MBNL2: variants seen among roughly 807,000 people sequenced by gnomAD.
The protein encoded by MBNL2 is muscleblind-like protein 2.
In MBNL2, 17 loss-of-function variants were observed where a neutral mutation model predicts 41.9. That is an observed-to-expected ratio of 0.41 (90% CI 0.28 to 0.61). MBNL2 has a LOEUF of 0.61. Among genes scored for constraint, MBNL2 ranks in the 20% least tolerant of loss-of-function variants. MBNL2 has a pLI of 0.35. For synonymous variants in MBNL2, 195 were observed against 182.9 expected, an observed-to-expected ratio of 1.07 and a Z score of -0.53; for missense variants, 336 against 505.6, an observed-to-expected ratio of 0.66 and a Z score of 3.22.
intron 1 of MBNL2, among the ~76,000 whole-genome samples, chr13:97,251,898 C>T (rs1462330570): frequency 7.9e-4 from 101 of 127,736 alleles, no homozygotes; most frequent in Non-Finnish European, 1.4e-3. Context: ...GGCCGGACTG[C>T]GGACTGCAGT....
intron 7 of MBNL2, among the ~76,000 whole-genome samples, chr13:97,364,312 T>A (rs1330642717): frequency 1.3e-5 from 2 of 152,210 alleles, no homozygotes; most frequent in Non-Finnish European, 2.9e-5. Context: ...CACTTTGTAG[T>A]AGTCATGACC....
At chr13:97,300,076 C>T (rs998672380) in intron 2 of MBNL2, among the ~76,000 whole-genome samples, 2 of 152,122 alleles carry the variant, frequency 1.3e-5, no homozygotes, top group Non-Finnish European at 2.9e-5. Context: ...ACTGATACAG[C>T]CAGGTCCCAA....
chr13:97,323,773 C>G (rs1187140888), intron 2 of MBNL2, among the ~76,000 whole-genome samples: 1 of 151,482 alleles, frequency 6.6e-6, no homozygotes, highest in Non-Finnish European at 1.5e-5. Context: ...ATGGCTAGCT[C>G]TAATTAAAAA....
rs1386396755 is a variant in MBNL2 at position 97,268,010 on chromosome 13, G to A, written c.-604-7622G>A. 7.9e-5 allele frequency among the ~76,000 whole-genome samples: 12 copies of A among 152,322 alleles called. No individual in the cohort carries two copies. The East Asian group carries it at 1.5e-3, about 20-fold the overall frequency. On this transcript the variant is annotated intron_variant, in intron 1 of 8. Transcript: ENST00000679496. This position sits in a 1 kb window ranked among gnomAD's most constrained non-coding sequence, Gnocchi z 4.6. ...GTTAAAACACAGATTGCTCGTCCTCGTTGTCAGGGTATCTGATCCAGGACC... is the reference window on the plus strand; with the variant it reads ...GTTAAAACACAGATTGCTCGTCCTCATTGTCAGGGTATCTGATCCAGGACC...
intron 2 of MBNL2, among the ~76,000 whole-genome samples, chr13:97,282,697 T>C (rs569840100): frequency 6.6e-6 from 1 of 152,288 alleles, no homozygotes; most frequent in South Asian, 2.1e-4. Context: ...AGCAAGCCCA[T>C]CTCTCTTTCA....
At chr13:97,298,672 T>C (rs1391122696) in intron 2 of MBNL2, among the ~76,000 whole-genome samples, 1 of 152,230 alleles carries the variant, frequency 6.6e-6, no homozygotes, top group Non-Finnish European at 1.5e-5. Flanking sequence ...CAGATATTCT[T>C]TTCTGTCAAT....
chr13:97,186,833 C>T, the MBNL2 span, among the ~76,000 whole-genome samples: 22 of 152,208 alleles, frequency 1.4e-4, no homozygotes, highest in East Asian at 4.1e-3. Context: ...ATATTTTGAT[C>T]ATACACCAAA....
the MBNL2 span, among the ~76,000 whole-genome samples, chr13:97,179,842 G>A: frequency 6.6e-6 from 1 of 152,206 alleles, no homozygotes; most frequent in South Asian, 2.1e-4. Flanking sequence ...ACAGTAGAGA[G>A]AGTTAGGGGG....
rs1006768399 is a variant in MBNL2, at chr13:97,291,669, C to T, written c.174+15260C>T. Among the ~76,000 whole-genome samples, 5 of 151,562 alleles carry T rather than the reference C, an allele frequency of 3.3e-5. No individual in the cohort carries two copies. In the South Asian group the frequency reaches 6.3e-4, roughly 19 times the overall value. On this transcript the variant is annotated intron_variant, in intron 2 of 8. Transcript: ENST00000679496. ...CAGCAATTTGGGAAGCCGAGGTGGG[C>T]GGATCACTTGAGGTCAGGAGTTCGA... is the stretch of plus-strand genomic sequence containing the variant.
chr13:97,318,880 G>T (rs771853895), intron 2 of MBNL2, among the ~76,000 whole-genome samples: 1 of 152,230 alleles, frequency 6.6e-6, no homozygotes, highest in Non-Finnish European at 1.5e-5. Flanking sequence ...TTTCAATGCT[G>T]TGAGCCTGGG....
chr13:97,176,724 G>A, the MBNL2 span, among the ~76,000 whole-genome samples: 1 of 152,172 alleles, frequency 6.6e-6, no homozygotes, highest in African/African-American at 2.4e-5. Context: ...AGAAATTTCA[G>A]TCCTTCAAGT....
the MBNL2 span, among the ~76,000 whole-genome samples, chr13:97,215,703 C>A: frequency 6.6e-6 from 1 of 151,966 alleles, no homozygotes; most frequent in Admixed American, 6.6e-5. Flanking sequence ...TAAGCACTTA[C>A]TAAGGTATTT....
the MBNL2 span, among the ~76,000 whole-genome samples, chr13:97,151,486 C>A: frequency 2.0e-5 from 3 of 152,132 alleles, no homozygotes; most frequent in Middle Eastern, 3.2e-3. Flanking sequence ...GTTTCACTAT[C>A]AGCTTGGAAG....
chr13:97,233,126 CATATATATATATATATATATAT>C (rs376967986), intron 1 of MBNL2, among the ~76,000 whole-genome samples: 1,427 of 39,790 alleles, frequency 0.036, 53 homozygotes, highest in Non-Finnish European at 0.05. Context: ...GGCTCTTTTT[CATATATATATATATATATATAT>C]ATATATATAT....
At chr13:97,318,222 C>T (rs1364463840) in intron 2 of MBNL2, among the ~76,000 whole-genome samples, 1 of 152,208 alleles carries the variant, frequency 6.6e-6, no homozygotes, top group Non-Finnish European at 1.5e-5. Context: ...CACTTAGAGG[C>T]ATGCTTGGCA....
chr13:97,351,921 G>A (rs1002349583), intron 5 of MBNL2, among the ~76,000 whole-genome samples: 11 of 152,110 alleles, frequency 7.2e-5, no homozygotes, highest in Non-Finnish European at 1.5e-5. Context: ...TACTCGAAGA[G>A]CTGAGGCATG....
At chr13:97,351,511 C>T (rs775385135) in intron 5 of MBNL2, among the ~76,000 whole-genome samples, 1 of 152,206 alleles carries the variant, frequency 6.6e-6, no homozygotes, top group Non-Finnish European at 1.5e-5. Flanking sequence ...CTGTTGTTTA[C>T]TGTGGCCACC....
intron 2 of MBNL2, among the ~76,000 whole-genome samples, chr13:97,287,242 A>G (rs1468941632): frequency 2.0e-5 from 3 of 152,174 alleles, no homozygotes; most frequent in Non-Finnish European, 4.4e-5. Context: ...ATTAAAATTC[A>G]TGGATCGGCT....
chr13:97,354,685 A>G (rs1408894597), intron 5 of MBNL2, among the ~76,000 whole-genome samples: 1 of 152,178 alleles, frequency 6.6e-6, no homozygotes, highest in East Asian at 1.9e-4. Context: ...AATATTTATT[A>G]TTTTTCATTG....
Sources: allele counts gnomAD v4.1 joint callset (sites outside exome capture counted in the v4.1 genomes callset), GRCh38; gene constraint gnomAD v4.1.1; non-coding constraint Gnocchi (gnomAD v3.1); transcripts MANE v1.5; gene names NCBI Gene and HGNC (gene_info 2026-07-23, HGNC 2026-07-21).